Variants in OSTM1 observed in about 807,000 individuals in gnomAD.
OSTM1 encodes the protein osteoclastogenesis associated transmembrane protein 1.
OSTM1 carries 26 observed loss-of-function variants against 35.4 expected under a neutral mutation model. The observed-to-expected ratio is 0.73, with a 90% CI of 0.54 to 1.02. The LOEUF is 1.02. OSTM1 is among the 50% of genes least tolerant of loss of function. The pLI is 0.00. For synonymous variants in OSTM1, 181 were observed against 165.0 expected (o/e 1.10, Z -0.75); for missense variants, 366 against 409.6 (o/e 0.89, Z 0.92).
At chr6:108,053,848 A>G (rs1185164342) in intron 3 of OSTM1, among the ~76,000 whole-genome samples, 2 of 152,178 alleles carry the variant, frequency 1.3e-5, no homozygotes, top group African/African-American at 4.8e-5. Flanking sequence ...TTATACCCTA[A>G]GCATGTGTAC....
intron 1 of OSTM1, among the ~76,000 whole-genome samples, chr6:108,071,573 A>G (rs1229682668): frequency 6.8e-6 from 1 of 147,184 alleles, no homozygotes; most frequent in Non-Finnish European, 1.5e-5. Context: ...TTGGCCTCCC[A>G]AAGTGCTGGG....
chr6:108,067,827 C>T (rs963131697), intron 1 of OSTM1, among the ~76,000 whole-genome samples: 12 of 53,500 alleles, frequency 2.2e-4, no homozygotes, highest in Admixed American at 6.9e-4. Flanking sequence ...GAGCCTCTGT[C>T]TAAAAAAAAA....
At chr6:108,048,241 T>C (rs1408336715) in intron 5 of OSTM1, among the ~76,000 whole-genome samples, 3 of 152,224 alleles carry the variant, frequency 2.0e-5, no homozygotes, top group Non-Finnish European at 1.5e-5. Context: ...CAGACATTCC[T>C]AGACTACAAA....
rs757348937 is a variant in OSTM1 at position 108,072,974 on chromosome 6, A to G, written c.402+1276T>C. ...CAGGCACGTGCCACCACGCCCGGAT[A>G]ATTTTTGTATTTTTAGTAGAGACGG... On this transcript the variant is annotated intron_variant, in intron 1 of 5. Coordinates refer to ENST00000193322, the MANE Select transcript of OSTM1 (RefSeq NM_014028.4). 1.9e-4 allele frequency among the ~76,000 whole-genome samples: 29 copies of G among 152,188 alleles called. No individual in the cohort carries two copies. In the Middle Eastern group the frequency reaches 0.01, roughly 54 times the overall value.
chr6:108,056,135 A>C (rs1316729197), intron 2 of OSTM1, among the ~76,000 whole-genome samples: 1 of 152,216 alleles, frequency 6.6e-6, no homozygotes, highest in Non-Finnish European at 1.5e-5. Flanking sequence ...GAAAGTTAAC[A>C]CTTACTAAAT....
chr6:108,072,930 T>G (rs1015994321), intron 1 of OSTM1, among the ~76,000 whole-genome samples: 3 of 152,168 alleles, frequency 2.0e-5, no homozygotes, highest in African/African-American at 7.2e-5. Flanking sequence ...TGCCTCAGCT[T>G]CCAGAGCAGC....
chr6:108,062,329 T>A (rs868512911), intron 2 of OSTM1, among the ~76,000 whole-genome samples: 1 of 152,050 alleles, frequency 6.6e-6, no homozygotes, highest in South Asian at 2.1e-4. Flanking sequence ...GCAGCCCAAG[T>A]AGATGAAGCA....
At chr6:108,052,403 A>C (rs1197159510) in intron 3 of OSTM1, among the ~76,000 whole-genome samples, 1 of 149,502 alleles carries the variant, frequency 6.7e-6, no homozygotes, top group African/African-American at 2.5e-5. Context: ...ACTGCACTCT[A>C]GCCCGGGTGA....
At chr6:108,059,554 C>G (rs1443936563) in intron 2 of OSTM1, among the ~76,000 whole-genome samples, 2 of 152,096 alleles carry the variant, frequency 1.3e-5, no homozygotes, top group African/African-American at 2.4e-5. Flanking sequence ...CTAAATTAAG[C>G]AGAACAGAAA....
At chr6:108,071,460 A>ATTTTTTTTTT (rs545759140) in intron 1 of OSTM1, among the ~76,000 whole-genome samples, 788 of 103,436 alleles carry the variant, frequency 7.6e-3, no homozygotes, top group East Asian at 0.018. Context: ...CACCCGGCTA[A>ATTTTTTTTTT]TTTTTTTTTT....
chr6:108,066,425 G>C (rs1772377741), intron 1 of OSTM1, among the ~76,000 whole-genome samples: 1 of 151,848 alleles, frequency 6.6e-6, no homozygotes, highest in South Asian at 2.1e-4. Context: ...GTGTTAGCTG[G>C]GTAGAGGGTA....
chr6:108,056,053 G>T (rs928188750), intron 2 of OSTM1, among the ~76,000 whole-genome samples: 1 of 152,176 alleles, frequency 6.6e-6, no homozygotes, highest in Non-Finnish European at 1.5e-5. Context: ...AAGAGAGACG[G>T]ACTAGGTAGA....
At position 108,074,728 on chromosome 6, in the gene OSTM1, C is replaced by G; in HGVS notation, c.-77G>C. 7.1e-7 allele frequency: 1 copy of G among 1,401,434 alleles called. No individual in the cohort carries two copies. 86.8% of individuals were successfully genotyped at this position (1,401,434 alleles called of 1,614,324 possible). On this transcript the variant is annotated 5_prime_UTR_variant, in exon 1 of 6. Coordinates refer to ENST00000193322, the MANE Select transcript of OSTM1 (RefSeq NM_014028.4). ...CGGCACCGCGGACAGCCGCCGCTTC[C>G]GGTTTCCGCGAGCGCAGGCCGAGAG...
At chr6:108,057,467 A>G (rs563457799) in intron 2 of OSTM1, among the ~76,000 whole-genome samples, 1 of 152,336 alleles carries the variant, frequency 6.6e-6, no homozygotes, top group South Asian at 2.1e-4. Flanking sequence ...CTGACATAAC[A>G]ATATAGGGAT....
At chr6:108,052,439 A>T (rs1461308221) in intron 3 of OSTM1, among the ~76,000 whole-genome samples, 1 of 151,940 alleles carries the variant, frequency 6.6e-6, no homozygotes, top group Admixed American at 6.6e-5. Context: ...TCTCAAAAAA[A>T]AAAAAAAAAA....
At chr6:108,052,254 G>GA (rs750609710) in intron 3 of OSTM1, among the ~76,000 whole-genome samples, 6 of 152,096 alleles carry the variant, frequency 3.9e-5, no homozygotes, top group Non-Finnish European at 5.9e-5. Context: ...CTAACACGGT[G>GA]AAACCCCATC....
chr6:108,049,698 A>C, intron 4 of OSTM1: 3 of 404,692 alleles, frequency 7.4e-6, no homozygotes, highest in Non-Finnish European at 1.2e-5. Context: ...CATTCAAACA[A>C]AGAACTTATA....
intron 2 of OSTM1, among the ~76,000 whole-genome samples, chr6:108,056,848 A>T (rs143131385): frequency 4.1e-4 from 62 of 152,186 alleles, no homozygotes; most frequent in Non-Finnish European, 7.6e-4. Context: ...TCTCACCCTT[A>T]TTTAAAAAAT....
At chr6:108,062,535 C>CTTT (rs780041339) in intron 2 of OSTM1, among the ~76,000 whole-genome samples, 126 of 131,032 alleles carry the variant, frequency 9.6e-4, no homozygotes, top group Middle Eastern at 3.9e-3. Flanking sequence ...CTTTTCTTTT[C>CTTT]TTTTTTTTTT....
Sources: allele counts gnomAD v4.1 joint callset (sites outside exome capture counted in the v4.1 genomes callset), GRCh38; gene constraint gnomAD v4.1.1; transcripts MANE v1.5; gene names NCBI Gene and HGNC (gene_info 2026-07-23, HGNC 2026-07-21).